Variants in PPP5C observed in about 807,000 individuals in gnomAD.
PPP5C encodes the protein protein phosphatase 5 catalytic subunit.
Under a neutral mutation model 66.7 loss-of-function variants are expected in PPP5C, and 21 were observed. The ratio of observed to expected loss-of-function variants is 0.31; its 90% CI spans 0.22 to 0.45. The LOEUF is 0.45. Among genes scored for constraint, PPP5C ranks in the 20% least tolerant of loss-of-function variants. The probability of loss-of-function intolerance (pLI) is 1.00; values close to 1 mark genes in which losing one functional copy is unlikely to be tolerated. For missense variants in PPP5C, 464 were observed against 675.9 expected (o/e 0.69, Z 3.48); for synonymous variants, 246 against 257.4 (o/e 0.96, Z 0.43).
intron 2 of PPP5C, among the ~76,000 whole-genome samples, chr19:46,354,493 T>C (rs886632301): frequency 6.6e-6 from 1 of 152,012 alleles, no homozygotes; most frequent in Non-Finnish European, 1.5e-5. Context: ...ATCTGCACTT[T>C]GAAGAAAAGA....
chr19:46,390,186 G>C, intron 12 of PPP5C, 54 bp downstream of exon 12: 1 of 1,610,038 alleles, frequency 6.2e-7, no homozygotes, highest in Non-Finnish European at 8.5e-7. Context: ...GGGACAAGGA[G>C]GCTGAGACCC....
intron 4 of PPP5C, among the ~76,000 whole-genome samples, chr19:46,377,585 G>A (rs1972717903): frequency 6.6e-6 from 1 of 152,156 alleles, no homozygotes; most frequent in African/African-American, 2.4e-5. Context: ...AGTTTTATGT[G>A]CCCACTGCCC....
chr19:46,381,315 T>C (rs762072450), intron 4 of PPP5C, among the ~76,000 whole-genome samples: 3 of 152,254 alleles, frequency 2.0e-5, no homozygotes, highest in Non-Finnish European at 4.4e-5. Context: ...CGTCTCTGTC[T>C]GATAGTTCCA....
Position 46,390,144 on chromosome 19 carries a change from C to A in PPP5C, c.1437+12C>A, listed in dbSNP as rs1453999951. 44 of 1,613,204 alleles carry A rather than the reference C, an allele frequency of 2.7e-5. No homozygotes were observed. Among genetic ancestry groups the A allele is most frequent in the Non-Finnish European group, 3.6e-5 (42 of 1,179,318 alleles). On this transcript the variant is annotated intron_variant, in intron 12 of 12. Coordinates refer to ENST00000012443, the MANE Select transcript of PPP5C (RefSeq NM_006247.4). ...AGTTCACAGCAGTGGTGAGTCACCC[C>A]TCAGGGCCCCTGCCCCTTCCATCCC... is the stretch of plus-strand genomic sequence containing the variant.
intron 1 of PPP5C, among the ~76,000 whole-genome samples, chr19:46,348,386 T>C (rs1307254897): frequency 6.7e-6 from 1 of 149,344 alleles, no homozygotes; most frequent in Non-Finnish European, 1.5e-5. Flanking sequence ...CAATCTCGGC[T>C]CACTGCAACC....
At chr19:46,359,650 C>T (rs376263878) in intron 2 of PPP5C, among the ~76,000 whole-genome samples, 47 of 152,106 alleles carry the variant, frequency 3.1e-4, no homozygotes, top group African/African-American at 1.0e-3. Context: ...AATAGCAAGA[C>T]CAATTTATTC....
intron 2 of PPP5C, among the ~76,000 whole-genome samples, chr19:46,367,786 G>A (rs1972515566): frequency 1.3e-5 from 2 of 152,194 alleles, no homozygotes; most frequent in Admixed American, 1.3e-4. Flanking sequence ...AAGGCAAGAT[G>A]TCTGTCATGG....
chr19:46,381,426 G>A (rs1568575168), intron 4 of PPP5C: 1 of 152,192 alleles, frequency 6.6e-6, no homozygotes, highest in Non-Finnish European at 1.5e-5. Flanking sequence ...ATTAGAGACT[G>A]AGGTAAATAA....
rs1415663875 is a variant in PPP5C, at chr19:46,347,335, C to G, written c.121+118C>G. ...GCGCGGGGCAGACACTACCAAGTGA[C>G]CGGGCGTGGGGAGGCCCAGGATGGC... On this transcript the variant is annotated intron_variant, in intron 1 of 12. Transcript: ENST00000012443. 5 of 1,417,506 alleles carry G rather than the reference C, an allele frequency of 3.5e-6. 1 individual carries two copies. In the South Asian group the frequency reaches 7.3e-5, roughly 21 times the overall value. The allele number at this position is 1,417,506 out of a possible 1,614,324, so 87.8% of individuals were successfully genotyped here. A position where few individuals can be genotyped will look rare whatever the true frequency, so the allele number is the denominator to read the frequency against.
chr19:46,383,703 ACC>A lies in PPP5C; in HGVS notation c.700-75_700-74del. 1 of 1,236,020 alleles carries A rather than the reference ACC, an allele frequency of 8.1e-7. No individual in the cohort carries two copies. The highest frequency in any genetic ancestry group is 1.5e-5 in the African/African-American group (1 of 65,576). 76.6% of individuals were successfully genotyped at this position (1,236,020 alleles called of 1,614,324 possible). On this transcript the variant is annotated intron_variant, in intron 5 of 12. Transcript: ENST00000012443. This position sits in a 1 kb window ranked among gnomAD's most constrained non-coding sequence, Gnocchi z 5.0. ...TCTTCTTGGTCTACTGTGAACTCTT[ACC>A]CTTCCCCTCACCTCTGCCCCCTCCC...
intron 4 of PPP5C, among the ~76,000 whole-genome samples, chr19:46,377,894 T>G (rs1244806960): frequency 6.6e-6 from 1 of 152,192 alleles, no homozygotes; most frequent in African/African-American, 2.4e-5. Context: ...TGAGAGACAT[T>G]TGGGTTATTT....
chr19:46,389,365 ACACACACACACACACACACACACAC>A (rs1972957035), intron 11 of PPP5C, among the ~76,000 whole-genome samples: 1 of 1,716 alleles, frequency 5.8e-4, no homozygotes, highest in South Asian at 0.071. Flanking sequence ...ATCTCAAAAC[ACACACACACACACACACACACACAC>A]ACACACACAC....
Position 46,347,948 on chromosome 19 carries a change from A to G in PPP5C, c.121+731A>G, listed in dbSNP as rs188694008. On this transcript the variant is annotated intron_variant, in intron 1 of 12. Transcript: ENST00000012443. ...GCAGGTGAACCAGACATGAAAAAAAAAAAAACAAAAAAAAACCATGTAAAT... is the reference window on the plus strand; with the variant it reads ...GCAGGTGAACCAGACATGAAAAAAAGAAAAACAAAAAAAAACCATGTAAAT... Among the ~76,000 whole-genome samples the G allele has an allele frequency of 9.2e-5, 14 of 151,640 alleles. No homozygotes were observed. The East Asian group carries it at 2.7e-3, about 29-fold the overall frequency.
At chr19:46,359,967 C>T (rs181973847) in intron 2 of PPP5C, among the ~76,000 whole-genome samples, 4 of 151,878 alleles carry the variant, frequency 2.6e-5, no homozygotes, top group African/African-American at 9.7e-5. Flanking sequence ...TTACTAGAGA[C>T]GGGGTTTCAC....
At chr19:46,389,411 A>AGAGTGTTGAT (rs1252794320) in intron 11 of PPP5C, among the ~76,000 whole-genome samples, 4 of 43,762 alleles carry the variant, frequency 9.1e-5, no homozygotes, top group East Asian at 5.0e-4. Flanking sequence ...ACACACACAC[A>AGAGTGTTGAT]CACACACACA....
At chr19:46,368,225 C>A (rs930044138) in intron 2 of PPP5C, among the ~76,000 whole-genome samples, 1 of 152,342 alleles carries the variant, frequency 6.6e-6, no homozygotes, top group East Asian at 1.9e-4. Context: ...ATGCAGAAGA[C>A]GGCTGCATCC....
chr19:46,383,443 G>A lies in PPP5C; in HGVS notation c.666G>A (p.Lys222=). 1 of 1,611,106 alleles carries A rather than the reference G, an allele frequency of 6.2e-7. No homozygotes were observed. The highest frequency in any genetic ancestry group is 1.1e-5 in the South Asian group (1 of 90,726). ...TACAGGTCAAAGAGGTCCTCTCCAA[G>A]CTGAGCACGCTCGTGGAAACCACAC... ...ILVQVKEVLS[K]LSTLVETTLK... The change falls in exon 5 of 13, where the codon AAG becomes AAA. Residue 222 remains lysine, a synonymous_variant. Transcript: ENST00000012443. This position sits in a 1 kb window ranked among gnomAD's most constrained non-coding sequence, Gnocchi z 5.0.
At chr19:46,348,267 A>T (rs1235693287) in intron 1 of PPP5C, among the ~76,000 whole-genome samples, 1 of 151,088 alleles carries the variant, frequency 6.6e-6, no homozygotes, top group Non-Finnish European at 1.5e-5. Flanking sequence ...AGGCCAGATC[A>T]TGCAGGGTCT....
At chr19:46,381,122 TTG>T (rs1972783543) in intron 4 of PPP5C, among the ~76,000 whole-genome samples, 1 of 152,256 alleles carries the variant, frequency 6.6e-6, no homozygotes, top group Non-Finnish European at 1.5e-5. Flanking sequence ...CACTGATTCT[TTG>T]TAACTGCTGT....
Sources: allele counts gnomAD v4.1 joint callset (sites outside exome capture counted in the v4.1 genomes callset), GRCh38; gene constraint gnomAD v4.1.1; non-coding constraint Gnocchi (gnomAD v3.1); transcripts MANE v1.5; gene names NCBI Gene and HGNC (gene_info 2026-07-23, HGNC 2026-07-21).